Variants in CACNA1E observed in about 807,000 individuals in gnomAD.
The protein encoded by CACNA1E is voltage-dependent R-type calcium channel subunit alpha-1E.
In CACNA1E, 40 loss-of-function variants were observed where a neutral mutation model predicts 259.2. That is an observed-to-expected ratio of 0.15 (90% confidence interval 0.12 to 0.20). CACNA1E has a LOEUF of 0.20. CACNA1E is among the 10% of genes least tolerant of loss of function. CACNA1E has a pLI of 1.00. For missense variants in CACNA1E, 1,874 were observed against 3,040.1 expected (o/e 0.62, Z 9.02); for synonymous variants, 1,104 against 1,138.5 (o/e 0.97, Z 0.61).
intron 7 of CACNA1E, among the ~76,000 whole-genome samples, chr1:181,666,113 G>A (rs1381532324): frequency 6.6e-6 from 1 of 152,050 alleles, no homozygotes; most frequent in African/African-American, 2.4e-5. Flanking sequence ...ACTATGTCCT[G>A]GACTATAGCA....
chr1:181,609,943 G>A (rs1366517477), intron 6 of CACNA1E, among the ~76,000 whole-genome samples: 1 of 152,308 alleles, frequency 6.6e-6, no homozygotes, highest in South Asian at 2.1e-4. Context: ...TGGAGTTAGA[G>A]AAGTATTGCC....
At chr1:181,406,465 C>T (rs694473) in intron 1 of CACNA1E, among the ~76,000 whole-genome samples, 9,905 of 151,962 alleles carry the variant, frequency 0.065, 581 homozygotes, top group African/African-American at 0.15. Flanking sequence ...GGCGCGATCT[C>T]GGCTTGCTAT....
chr1:181,636,110 C>T (rs1310737276), intron 6 of CACNA1E, among the ~76,000 whole-genome samples: 3 of 152,054 alleles, frequency 2.0e-5, no homozygotes, highest in Non-Finnish European at 4.4e-5. Flanking sequence ...CCAAGAATTG[C>T]CTGAAGGGAA....
intron 3 of CACNA1E, among the ~76,000 whole-genome samples, chr1:181,531,618 A>G (rs1410162543): frequency 6.6e-6 from 1 of 152,078 alleles, no homozygotes; most frequent in Middle Eastern, 3.2e-3. Context: ...GTCCATGTTC[A>G]CTCATACTTT....
At chr1:181,777,427 A>G (rs1660058839) in intron 38 of CACNA1E, among the ~76,000 whole-genome samples, 1 of 152,214 alleles carries the variant, frequency 6.6e-6, no homozygotes, top group African/African-American at 2.4e-5. Context: ...TCACTGTTTT[A>G]CAGACTAGAA....
At chr1:181,452,012 T>G (rs1196473323) in intron 2 of CACNA1E, among the ~76,000 whole-genome samples, 2 of 152,128 alleles carry the variant, frequency 1.3e-5, no homozygotes, top group Non-Finnish European at 2.9e-5. Context: ...TCATGCCAGG[T>G]GTGATGATTA....
chr1:181,318,460 A>G (rs538945460), intron 1 of CACNA1E, among the ~76,000 whole-genome samples: 1 of 152,288 alleles, frequency 6.6e-6, no homozygotes, highest in Admixed American at 6.5e-5. Context: ...ATCCCGCTCG[A>G]GGATGCAGGG....
chr1:181,450,162 C>A (rs528805051), intron 2 of CACNA1E, among the ~76,000 whole-genome samples: 26 of 152,264 alleles, frequency 1.7e-4, no homozygotes, highest in African/African-American at 5.3e-4. Context: ...TTCAAACAAC[C>A]AGATTTCATG....
intron 7 of CACNA1E, among the ~76,000 whole-genome samples, chr1:181,686,673 C>T (rs1477822659): frequency 1.3e-5 from 2 of 152,132 alleles, no homozygotes; most frequent in Non-Finnish European, 2.9e-5. Flanking sequence ...GGTGATGAGG[C>T]TCTTTTAATC....
At chr1:181,409,927 T>C (rs911285873) in intron 1 of CACNA1E, among the ~76,000 whole-genome samples, 19 of 152,056 alleles carry the variant, frequency 1.2e-4, no homozygotes, top group African/African-American at 4.3e-4. Flanking sequence ...GAGGAAATCA[T>C]GTAAGGAGAG....
chr1:181,720,092 T>C (rs1654284462), intron 13 of CACNA1E, 114 bp from the exon 14 acceptor site: 1 of 1,279,904 alleles, frequency 7.8e-7, no homozygotes, highest in Non-Finnish European at 1.1e-6. Flanking sequence ...CTTTACTTCC[T>C]ACAAATATAC....
intron 2 of CACNA1E, among the ~76,000 whole-genome samples, chr1:181,439,222 G>T (rs1660284949): frequency 6.6e-6 from 1 of 152,124 alleles, no homozygotes; most frequent in African/African-American, 2.4e-5. Flanking sequence ...GTAGCATCTG[G>T]AGTCAATTCA....
At chr1:181,614,992 C>G (rs1044635568) in intron 6 of CACNA1E, among the ~76,000 whole-genome samples, 12 of 152,016 alleles carry the variant, frequency 7.9e-5, no homozygotes, top group Non-Finnish European at 1.8e-4. Context: ...TAGAATTATC[C>G]TGTCAATTTT....
At chr1:181,697,782 T>C (rs1384717626) in intron 7 of CACNA1E, among the ~76,000 whole-genome samples, 1 of 152,270 alleles carries the variant, frequency 6.6e-6, no homozygotes, top group Non-Finnish European at 1.5e-5. Flanking sequence ...GAATTTATCT[T>C]ATGGACTGGA....
At chr1:181,668,253 T>C (rs1648443898) in intron 7 of CACNA1E, among the ~76,000 whole-genome samples, 1 of 152,242 alleles carries the variant, frequency 6.6e-6, no homozygotes, top group Non-Finnish European at 1.5e-5. Flanking sequence ...AGAAAACTTT[T>C]TGAAATTGAC....
intron 2 of CACNA1E, among the ~76,000 whole-genome samples, chr1:181,468,194 T>C (rs1662268701): frequency 6.6e-6 from 1 of 152,192 alleles, no homozygotes; most frequent in African/African-American, 2.4e-5. Flanking sequence ...TCCCCAATTT[T>C]CTACCAAAGA....
chr1:181,412,440 T>G (rs1022569007), intron 1 of CACNA1E, among the ~76,000 whole-genome samples: 6 of 152,088 alleles, frequency 3.9e-5, no homozygotes, highest in Admixed American at 3.9e-4. Context: ...TGTGGTGGTG[T>G]GTGCCTGTGG....
At chr1:181,756,828 C>A in intron 29 of CACNA1E, 97 bp from the exon 30 acceptor site, 1 of 846,764 alleles carries the variant, frequency 1.2e-6, no homozygotes, top group Non-Finnish European at 2.0e-6. Flanking sequence ...TCTGCAAAGT[C>A]AAAGAAGTCA....
intron 44 of CACNA1E, among the ~76,000 whole-genome samples, chr1:181,792,396 C>A (rs765132463): frequency 2.6e-5 from 4 of 152,208 alleles, no homozygotes; most frequent in African/African-American, 4.8e-5. Context: ...GCTGCTGCTC[C>A]ATGTCCCCAG....
Sources: gnomAD v4.1 joint callset for allele counts (sites outside exome capture counted in the v4.1 genomes callset) on GRCh38, gnomAD v4.1.1 for gene constraint, MANE v1.5 for transcripts, NCBI Gene and HGNC (gene_info 2026-07-23, HGNC 2026-07-21) for gene names.